Variants in BRD1 observed in about 807,000 individuals in gnomAD.
BRD1 encodes the protein bromodomain-containing protein 1.
A neutral mutation model predicts 107.7 loss-of-function variants in BRD1; 24 were observed. The ratio of observed to expected loss-of-function variants is 0.22; its 90% CI spans 0.16 to 0.31. The LOEUF (loss-of-function observed/expected upper bound fraction) is 0.31. Ranked by LOEUF, BRD1 falls within the 10% of genes least tolerant of loss-of-function variation. BRD1 has a pLI of 1.00. For synonymous variants in BRD1, 744 were observed against 686.1 expected (o/e 1.08, Z -1.32); for missense variants, 1,279 against 1,638.6 (o/e 0.78, Z 3.79).
Position 49,777,661 on chromosome 22 carries a change from A to G in BRD1, c.2993+17T>C, listed in dbSNP as rs2146932548. 6.3e-7 allele frequency: 1 copy of G among 1,599,784 alleles called. No homozygotes were observed. Among genetic ancestry groups the G allele is most frequent in the Non-Finnish European group, 8.5e-7 (1 of 1,175,362 alleles). On this transcript the variant is annotated intron_variant, in intron 9 of 12. Coordinates refer to ENST00000404760, the MANE Select transcript of BRD1 (RefSeq NM_001304808.3). ...CTGGGAGCTGCGTGGTGGGAAGCGC[A>G]GGGCCGCGGTGCCCACCTCGAGTCG...
intron 2 of BRD1, among the ~76,000 whole-genome samples, chr22:49,812,121 T>C (rs1056819530): frequency 6.8e-6 from 1 of 147,532 alleles, no homozygotes; most frequent in African/African-American, 2.6e-5. Context: ...TTTTTTTTTT[T>C]TTGAGACAGT....
chr22:49,825,451 C>A (rs1407410381), intron 1 of BRD1, among the ~76,000 whole-genome samples: 1 of 152,188 alleles, frequency 6.6e-6, no homozygotes, highest in Non-Finnish European at 1.5e-5. Flanking sequence ...GTGGCAGAGG[C>A]CTCTGCTGTC....
intron 2 of BRD1, chr22:49,806,811 A>C (rs2059753593): frequency 6.6e-6 from 1 of 152,250 alleles, no homozygotes; most frequent in African/African-American, 2.4e-5. Flanking sequence ...CAGCCTGGCC[A>C]ACATGGTGAA....
chr22:49,796,831 C>T (rs1048921195), intron 6 of BRD1, among the ~76,000 whole-genome samples: 1 of 142,006 alleles, frequency 7.0e-6, no homozygotes, highest in African/African-American at 2.5e-5. Flanking sequence ...GCGGACCCCA[C>T]GATGGCGGGA....
chr22:49,824,910 G>T lies in BRD1; in HGVS notation c.-14-579C>A. The T allele has an allele frequency of 1.3e-6, 1 of 752,630 alleles. No individual in the cohort carries two copies. Among genetic ancestry groups the T allele is most frequent in the South Asian group, 5.6e-5 (1 of 17,968 alleles). The allele number at this position is 752,630 out of a possible 1,614,324, so 46.6% of individuals were successfully genotyped here. On this transcript the variant is annotated intron_variant, in intron 1 of 12. Coordinates refer to ENST00000404760, the MANE Select transcript of BRD1 (RefSeq NM_001304808.3). This position sits in a 1 kb window ranked among gnomAD's most constrained non-coding sequence, Gnocchi z 5.9. ...AGCATTCCTGCTGGGGCCAGGGGTA[G>T]GAGACAGATCACAGCCTGTCCATCC...
chr22:49,817,557 G>A (rs1397517618), intron 2 of BRD1: 2 of 180,508 alleles, frequency 1.1e-5, no homozygotes, highest in African/African-American at 2.4e-5. Context: ...GCGGCCCAGG[G>A]GCCCTAGACT....
At chr22:49,811,575 G>A (rs1276038898) in intron 2 of BRD1, among the ~76,000 whole-genome samples, 7 of 152,202 alleles carry the variant, frequency 4.6e-5, no homozygotes, top group Non-Finnish European at 7.3e-5. Context: ...TTAGATTCAC[G>A]CTCCCGGCAG....
At chr22:49,796,319 C>G (rs2059530759) in intron 6 of BRD1, among the ~76,000 whole-genome samples, 1 of 151,622 alleles carries the variant, frequency 6.6e-6, no homozygotes, top group Admixed American at 6.6e-5. Flanking sequence ...TGGTCTCGAC[C>G]TCCTGACTTC....
At chr22:49,810,574 A>G (rs535736434) in intron 2 of BRD1, among the ~76,000 whole-genome samples, 2 of 152,340 alleles carry the variant, frequency 1.3e-5, no homozygotes, top group African/African-American at 4.8e-5. Context: ...TTTGCAAGTC[A>G]TGTATCTAAT....
chr22:49,791,170 C>T (rs1297286020), intron 7 of BRD1, among the ~76,000 whole-genome samples: 2 of 152,250 alleles, frequency 1.3e-5, no homozygotes, highest in South Asian at 2.1e-4. Flanking sequence ...CCAGCTGACA[C>T]GCAGCCCCGG....
At chr22:49,789,528 T>C (rs2059392958) in intron 7 of BRD1, among the ~76,000 whole-genome samples, 1 of 135,846 alleles carries the variant, frequency 7.4e-6, no homozygotes, top group Admixed American at 7.8e-5. Flanking sequence ...GATTACGACA[T>C]TCAACTGCTC....
At position 49,794,100 on chromosome 22, in the gene BRD1, T is replaced by C; in HGVS notation, c.2293A>G (p.Thr765Ala). 1 of 1,614,218 alleles carries C rather than the reference T, an allele frequency of 6.2e-7. No individual in the cohort carries two copies. The highest frequency in any genetic ancestry group is 1.7e-5 in the Admixed American group (1 of 60,032). The change falls in exon 7 of 13, where the codon ACG (threonine) becomes GCG (alanine). Residue 765 changes from threonine to alanine, a missense_variant. Coordinates refer to ENST00000404760, the MANE Select transcript of BRD1 (RefSeq NM_001304808.3). Reference protein sequence around the residue: ...LSQQHSQPLPTGPGLEGFEED... With the variant: ...LSQQHSQPLPAGPGLEGFEED... ...TCGAAGCCTTCCAAGCCTGGCCCCG[T>C]GGGCAGGGGCTGGCTGTGCTGCTGG...
intron 8 of BRD1, among the ~76,000 whole-genome samples, chr22:49,780,890 G>A (rs2059193814): frequency 6.6e-6 from 1 of 152,264 alleles, no homozygotes; most frequent in Non-Finnish European, 1.5e-5. Flanking sequence ...AAGGTCTGCA[G>A]AGATGGGTGC....
chr22:49,792,964 G>A lies in BRD1; in HGVS notation c.2359+1070C>T, dbSNP rs1049176687. On this transcript the variant is annotated intron_variant, in intron 7 of 12. Transcript: ENST00000404760. This position sits in a 1 kb window ranked among gnomAD's most constrained non-coding sequence, Gnocchi z 4.2. Reference sequence around the variant, plus strand: ...ACACTGCGTCACTCCGAGCACAGACGTCCATAAGAGATGAACGTCTTTGTT... The same window carrying A: ...ACACTGCGTCACTCCGAGCACAGACATCCATAAGAGATGAACGTCTTTGTT... 6.6e-5 allele frequency among the ~76,000 whole-genome samples: 10 copies of A among 152,276 alleles called. No individual in the cohort carries two copies. Among genetic ancestry groups the A allele is most frequent in the East Asian group, 5.8e-4 (3 of 5,178 alleles).
At chr22:49,799,624 C>G (rs1367495291) in intron 3 of BRD1, among the ~76,000 whole-genome samples, 1 of 152,212 alleles carries the variant, frequency 6.6e-6, no homozygotes, top group African/African-American at 2.4e-5. Flanking sequence ...ACCTGCTGCC[C>G]TGCCCTGCAC....
intron 2 of BRD1, among the ~76,000 whole-genome samples, chr22:49,815,481 T>C (rs1280825091): frequency 1.3e-5 from 2 of 151,544 alleles, no homozygotes; most frequent in African/African-American, 4.9e-5. Flanking sequence ...GGGCAGAGGT[T>C]GCAGTGAGCG....
At chr22:49,814,476 G>A (rs1032668425) in intron 2 of BRD1, among the ~76,000 whole-genome samples, 1 of 152,208 alleles carries the variant, frequency 6.6e-6, no homozygotes, top group African/African-American at 2.4e-5. Context: ...CATCGCCAGG[G>A]GACACCTGCT....
chr22:49,827,812 C>T lies in BRD1; in HGVS notation c.-330G>A, dbSNP rs1392176484. ...GGCGGCGGGCGGCGGGCGCGGGACG[C>T]GGGGCTGGCTCGGACTCCAGGGCCG... On this transcript the variant is annotated 5_prime_UTR_variant, in exon 1 of 13. Transcript: ENST00000404760. 1.4e-5 allele frequency among the ~76,000 whole-genome samples: 2 copies of T among 143,986 alleles called. No individual in the cohort carries two copies. The highest frequency in any genetic ancestry group is 2.0e-4 in the East Asian group (1 of 4,894). 94.5% of individuals were successfully genotyped at this position (143,986 alleles called of 152,430 possible). A position where few individuals can be genotyped will look rare whatever the true frequency, so the allele number is the denominator to read the frequency against.
chr22:49,813,768 G>A (rs1184511549), intron 2 of BRD1, among the ~76,000 whole-genome samples: 1 of 151,714 alleles, frequency 6.6e-6, no homozygotes, highest in Non-Finnish European at 1.5e-5. Context: ...GGCGGAGGCT[G>A]CAGTGAGCCA....
Sources: gnomAD v4.1 joint callset for allele counts (sites outside exome capture counted in the v4.1 genomes callset) on GRCh38, gnomAD v4.1.1 for gene constraint, Gnocchi (gnomAD v3.1) non-coding constraint, MANE v1.5 for transcripts, NCBI Gene and HGNC (gene_info 2026-07-23, HGNC 2026-07-21) for gene names.